The following MAML2 variants were observed in gnomAD, a reference collection of about 807,000 sequenced individuals.
MAML2 encodes the protein mastermind-like protein 2.
A neutral mutation model predicts 96.1 loss-of-function variants in MAML2; 22 were observed. That is an observed-to-expected ratio of 0.23 (90% confidence interval 0.16 to 0.33). The LOEUF (loss-of-function observed/expected upper bound fraction) is 0.33, where lower values mean the gene tolerates loss of function less well. Ranked by LOEUF, MAML2 falls within the 10% of genes least tolerant of loss-of-function variation. MAML2 has a pLI of 1.00. For synonymous variants in MAML2, 561 were observed against 521.3 expected (o/e 1.08, Z -1.04); for missense variants, 1,367 against 1,392.4 (o/e 0.98, Z 0.29).
intron 1 of MAML2, among the ~76,000 whole-genome samples, chr11:96,277,304 G>A (rs1192758881): frequency 6.6e-6 from 1 of 152,044 alleles, no homozygotes; most frequent in African/African-American, 2.4e-5. Context: ...CGCACAGAAT[G>A]AGAGATGATC....
At chr11:96,202,336 G>A (rs1363464117) in intron 1 of MAML2, among the ~76,000 whole-genome samples, 1 of 134,148 alleles carries the variant, frequency 7.5e-6, no homozygotes, top group African/African-American at 2.9e-5. Flanking sequence ...GGGTGACAGA[G>A]CAAGACTCCA....
chr11:96,158,900 G>A (rs1861053343), intron 1 of MAML2, among the ~76,000 whole-genome samples: 1 of 152,190 alleles, frequency 6.6e-6, no homozygotes, highest in South Asian at 2.1e-4. Context: ...AAATGGTAGA[G>A]GAGAAAGTGT....
Position 96,159,404 on chromosome 11 carries a change from ATTCT to A in MAML2, c.514-65891_514-65888del, listed in dbSNP as rs1212166219. ...TACTAACCGTGCCTCTAAACCACTG[ATTCT>A]TTTTTTTTTTTTTTTTTTTTTTGAG... On this transcript the variant is annotated intron_variant, in intron 1 of 4. Transcript: ENST00000524717. Among the ~76,000 whole-genome samples the A allele has an allele frequency of 9.2e-4, 57 of 62,008 alleles. 5 individuals are homozygous for A. Among genetic ancestry groups the A allele is most frequent in the African/African-American group, 2.8e-3 (50 of 18,120 alleles). 40.7% of individuals were successfully genotyped at this position (62,008 alleles called of 152,430 possible).
chr11:96,003,154 GAGGATGATGGGGATGATGATA>G (rs1358866179), intron 2 of MAML2, among the ~76,000 whole-genome samples: 21 of 151,440 alleles, frequency 1.4e-4, no homozygotes, highest in South Asian at 8.4e-4. Context: ...TGGGGATGAG[GAGGATGATGGGGATGATGATA>G]AGGATGATGG....
intron 1 of MAML2, among the ~76,000 whole-genome samples, chr11:96,121,069 A>G (rs1860331704): frequency 1.6e-5 from 1 of 62,544 alleles, no homozygotes; most frequent in Non-Finnish European, 3.0e-5. Flanking sequence ...AGTAATCTGA[A>G]GGCAGCCAGA....
chr11:96,114,024 G>A (rs78519617), intron 1 of MAML2, among the ~76,000 whole-genome samples: 7 of 150,658 alleles, frequency 4.6e-5, no homozygotes, highest in Non-Finnish European at 4.4e-5. Context: ...AGAATTTGAA[G>A]AAAAAAAAAA....
intron 2 of MAML2, among the ~76,000 whole-genome samples, chr11:96,041,506 A>G (rs11021398): frequency 0.21 from 30,268 of 142,470 alleles, 3,948 homozygotes; most frequent in Non-Finnish European, 0.31. Context: ...AAGGAAGGAA[A>G]GGAAGGAAGG....
At chr11:96,047,007 G>A (rs761891280) in intron 2 of MAML2, among the ~76,000 whole-genome samples, 4 of 152,194 alleles carry the variant, frequency 2.6e-5, no homozygotes, top group Non-Finnish European at 5.9e-5. Flanking sequence ...CTTACAATGA[G>A]AAGACTGTAT....
intron 2 of MAML2, among the ~76,000 whole-genome samples, chr11:96,020,213 C>T (rs905471932): frequency 6.6e-6 from 1 of 152,116 alleles, no homozygotes; most frequent in Non-Finnish European, 1.5e-5. Context: ...CAAGAGTATC[C>T]CCAGGCAAAA....
chr11:96,198,977 C>T (rs1861772397), intron 1 of MAML2, among the ~76,000 whole-genome samples: 1 of 151,342 alleles, frequency 6.6e-6, no homozygotes, highest in Non-Finnish European at 1.5e-5. Flanking sequence ...GCAGGCGGAT[C>T]ACAAGGTCAG....
chr11:96,340,767 A>T (rs1863981429), intron 1 of MAML2, among the ~76,000 whole-genome samples: 1 of 152,146 alleles, frequency 6.6e-6, no homozygotes, highest in East Asian at 1.9e-4. Context: ...AGGGAATCAG[A>T]GAGTAGGCCT....
chr11:96,298,765 G>A lies in MAML2; in HGVS notation c.513+42618C>T, dbSNP rs568607992. 6.6e-3 allele frequency among the ~76,000 whole-genome samples: 964 copies of A among 146,540 alleles called. 15 individuals carry two copies. Among genetic ancestry groups the A allele is most frequent in the African/African-American group, 0.022 (886 of 40,216 alleles). On this transcript the variant is annotated intron_variant, in intron 1 of 4. Transcript: ENST00000524717. Reference sequence around the variant, plus strand: ...ATATATATATATAAATTTCTAGGCCGGGCGCAGTGGCTCAGGCCTGTAATC... The same window carrying A: ...ATATATATATATAAATTTCTAGGCCAGGCGCAGTGGCTCAGGCCTGTAATC...
At chr11:96,245,854 G>A (rs7131325) in intron 1 of MAML2, among the ~76,000 whole-genome samples, 4,882 of 151,844 alleles carry the variant, frequency 0.032, 272 homozygotes, top group African/African-American at 0.11. Context: ...ACAGGTGTGC[G>A]CCACCACATC....
chr11:96,309,266 G>T (rs1863505229), intron 1 of MAML2, among the ~76,000 whole-genome samples: 1 of 152,198 alleles, frequency 6.6e-6, no homozygotes, highest in African/African-American at 2.4e-5. Flanking sequence ...CACACCCAGA[G>T]GTCAGTTTCA....
chr11:96,045,714 A>T (rs1293537455), intron 2 of MAML2, among the ~76,000 whole-genome samples: 1 of 152,236 alleles, frequency 6.6e-6, no homozygotes, highest in African/African-American at 2.4e-5. Context: ...TGTCACTCAG[A>T]TAACTGAGTT....
intron 1 of MAML2, among the ~76,000 whole-genome samples, chr11:96,313,817 T>C (rs973662975): frequency 6.6e-6 from 1 of 152,180 alleles, no homozygotes; most frequent in Non-Finnish European, 1.5e-5. Flanking sequence ...GTCCTCATAC[T>C]TGATTAAAAA....
chr11:96,200,336 G>A (rs544788522), intron 1 of MAML2, among the ~76,000 whole-genome samples: 3 of 152,322 alleles, frequency 2.0e-5, no homozygotes, highest in African/African-American at 4.8e-5. Flanking sequence ...GATATCATCT[G>A]TAGCTTGGAT....
At chr11:96,283,124 T>C (rs1004750042) in intron 1 of MAML2, among the ~76,000 whole-genome samples, 2 of 152,072 alleles carry the variant, frequency 1.3e-5, no homozygotes, top group African/African-American at 2.4e-5. Context: ...TGATCACTTA[T>C]AAAATTTAAA....
At chr11:96,142,241 G>C (rs1241256460) in intron 1 of MAML2, among the ~76,000 whole-genome samples, 1 of 152,194 alleles carries the variant, frequency 6.6e-6, no homozygotes, top group Non-Finnish European at 1.5e-5. Flanking sequence ...CAAAGGACCA[G>C]TAAGAATAAT....
Sources: allele counts gnomAD v4.1 joint callset (sites outside exome capture counted in the v4.1 genomes callset), GRCh38; gene constraint gnomAD v4.1.1; transcripts MANE v1.5; gene names NCBI Gene and HGNC (gene_info 2026-07-23, HGNC 2026-07-21).